Variants in CNTNAP2 observed in about 807,000 individuals in gnomAD.
CNTNAP2 encodes the protein contactin-associated protein-like 2.
Under a neutral mutation model 155.2 loss-of-function variants are expected in CNTNAP2, and 98 were observed. That is an observed-to-expected ratio of 0.63 (90% CI 0.54 to 0.75). CNTNAP2 has a LOEUF of 0.75. Among genes scored for constraint, CNTNAP2 ranks in the 30% least tolerant of loss-of-function variants. The pLI, the probability that CNTNAP2 is intolerant of heterozygous loss-of-function variation, is 0.00. For missense variants in CNTNAP2, 1,727 were observed against 1,688.1 expected, an observed-to-expected ratio of 1.02 and a Z score of -0.40; for synonymous variants, 651 against 631.2, an observed-to-expected ratio of 1.03 and a Z score of -0.47.
In CNTNAP2 at chr7:147,128,716, C is replaced by T; in HGVS notation, c.963C>T (p.Phe321=). ...AGATAACCTTTGGAGGCATCCCTTT[C>T]TCTGGCAAGCCCAGCTCCAGCAGTA... ...DYEITFGGIP[F]SGKPSSSSRK... The change falls in exon 7 of 24, where the codon TTC becomes TTT. Residue 321 remains phenylalanine, a synonymous_variant. Coordinates refer to ENST00000361727, the MANE Select transcript of CNTNAP2 (RefSeq NM_014141.6). 1 of 1,613,950 alleles carries T rather than the reference C, an allele frequency of 6.2e-7. No individual in the cohort carries two copies. Among genetic ancestry groups the T allele is most frequent in the Non-Finnish European group, 8.5e-7 (1 of 1,179,912 alleles).
At chr7:146,468,697 G>A (rs914361903) in intron 1 of CNTNAP2, among the ~76,000 whole-genome samples, 1 of 151,996 alleles carries the variant, frequency 6.6e-6, no homozygotes. Flanking sequence ...TTGGAAGGTC[G>A]GTAAAAGTCT....
At chr7:148,099,930 T>A (rs1804061970) in intron 15 of CNTNAP2, among the ~76,000 whole-genome samples, 1 of 140,234 alleles carries the variant, frequency 7.1e-6, no homozygotes, top group Non-Finnish European at 1.5e-5. Flanking sequence ...TTGAGTGCAA[T>A]GTCACAGTCT....
chr7:146,586,538 T>TAC (rs1304251391), intron 1 of CNTNAP2, among the ~76,000 whole-genome samples: 1 of 151,288 alleles, frequency 6.6e-6, no homozygotes, highest in Non-Finnish European at 1.5e-5. Context: ...TACACACACA[T>TAC]ACACACACAC....
intron 18 of CNTNAP2, among the ~76,000 whole-genome samples, chr7:148,215,791 G>A (rs1327215761): frequency 6.6e-6 from 1 of 152,112 alleles, no homozygotes; most frequent in Non-Finnish European, 1.5e-5. Context: ...ATTGACCCAA[G>A]TTAACACGGC....
At chr7:147,823,424 T>A (rs1461114029) in intron 13 of CNTNAP2, among the ~76,000 whole-genome samples, 1 of 152,048 alleles carries the variant, frequency 6.6e-6, no homozygotes, top group East Asian at 1.9e-4. Flanking sequence ...GCATAAGGAG[T>A]ATTAACCACT....
At chr7:147,824,408 G>C (rs1798413212) in intron 13 of CNTNAP2, among the ~76,000 whole-genome samples, 1 of 152,118 alleles carries the variant, frequency 6.6e-6, no homozygotes, top group South Asian at 2.1e-4. Flanking sequence ...GTCCACGGTA[G>C]AGTTGTGTAT....
intron 13 of CNTNAP2, among the ~76,000 whole-genome samples, chr7:147,810,476 G>C (rs1341570728): frequency 6.6e-6 from 1 of 152,044 alleles, no homozygotes; most frequent in East Asian, 1.9e-4. Context: ...ATATGTCAAA[G>C]AGCTTGCCAT....
chr7:147,885,127 G>T (rs1306388373), intron 13 of CNTNAP2, among the ~76,000 whole-genome samples: 1 of 152,174 alleles, frequency 6.6e-6, no homozygotes, highest in Non-Finnish European at 1.5e-5. Flanking sequence ...AGTTACTTTT[G>T]CACTGACCTA....
chr7:147,166,895 T>G (rs955015053), intron 8 of CNTNAP2, among the ~76,000 whole-genome samples: 2 of 152,162 alleles, frequency 1.3e-5, no homozygotes, highest in Admixed American at 1.3e-4. Flanking sequence ...ATGGCTTAGC[T>G]TGGGCTCAGA....
chr7:146,959,051 G>T (rs1357403793), intron 3 of CNTNAP2, among the ~76,000 whole-genome samples: 1 of 150,970 alleles, frequency 6.6e-6, no homozygotes, highest in Non-Finnish European at 1.5e-5. Context: ...ATGTAGTCTT[G>T]CTCTGTCGCC....
chr7:147,613,604 G>C (rs746303121), intron 12 of CNTNAP2, among the ~76,000 whole-genome samples: 2 of 152,072 alleles, frequency 1.3e-5, no homozygotes, highest in African/African-American at 4.8e-5. Context: ...TTGGGAGGCC[G>C]AGGTGGGCAC....
rs181562325 is a variant in CNTNAP2, at chr7:146,362,954, A to G, written c.97+245981A>G. 1.5e-3 allele frequency among the ~76,000 whole-genome samples: 228 copies of G among 151,974 alleles called. 2 individuals are homozygous for G. Among genetic ancestry groups the G allele is most frequent in the African/African-American group, 5.3e-3 (218 of 41,482 alleles). ...CCCAGCTAATTTTTGTATTTTTAGT[A>G]GAGATGGGGTTTCACCATGTTGGCC... is the stretch of plus-strand genomic sequence containing the variant. On this transcript the variant is annotated intron_variant, in intron 1 of 23. Coordinates refer to ENST00000361727, the MANE Select transcript of CNTNAP2 (RefSeq NM_014141.6).
intron 18 of CNTNAP2, among the ~76,000 whole-genome samples, chr7:148,211,895 A>C (rs1266004556): frequency 6.6e-6 from 1 of 152,216 alleles, no homozygotes; most frequent in African/African-American, 2.4e-5. Context: ...GTCTAAAATA[A>C]ATTTTTGGAA....
chr7:146,259,980 A>C (rs1470512677), intron 1 of CNTNAP2, among the ~76,000 whole-genome samples: 2 of 152,174 alleles, frequency 1.3e-5, no homozygotes, highest in African/African-American at 2.4e-5. Flanking sequence ...TTCCTGGGCC[A>C]AGCCCAGGGC....
intron 15 of CNTNAP2, among the ~76,000 whole-genome samples, chr7:148,037,963 T>C (rs958724108): frequency 6.6e-6 from 1 of 152,336 alleles, no homozygotes; most frequent in South Asian, 2.1e-4. Flanking sequence ...GTACTACCTG[T>C]GGTTTCAGGC....
At chr7:146,741,080 C>A (rs913346713) in intron 1 of CNTNAP2, among the ~76,000 whole-genome samples, 5 of 152,204 alleles carry the variant, frequency 3.3e-5, no homozygotes, top group Middle Eastern at 3.4e-3. Flanking sequence ...ACATCCCTTT[C>A]ATTCTATCTA....
At chr7:146,787,866 T>C (rs970556106) in intron 2 of CNTNAP2, among the ~76,000 whole-genome samples, 1 of 152,200 alleles carries the variant, frequency 6.6e-6, no homozygotes, top group Non-Finnish European at 1.5e-5. Flanking sequence ...AGAGCACTGA[T>C]TGGTGCATTT....
chr7:146,891,480 A>T (rs1219823446), intron 3 of CNTNAP2, among the ~76,000 whole-genome samples: 1 of 152,208 alleles, frequency 6.6e-6, no homozygotes, highest in Admixed American at 6.5e-5. Flanking sequence ...AAAATATGTA[A>T]TGTTTTAGGT....
At chr7:148,182,441 A>T (rs1012670087) in intron 18 of CNTNAP2, among the ~76,000 whole-genome samples, 2 of 149,352 alleles carry the variant, frequency 1.3e-5, no homozygotes, top group Non-Finnish European at 1.5e-5. Flanking sequence ...TGCCTCTGAC[A>T]TGCAATTTCT....
Sources: allele counts gnomAD v4.1 joint callset (sites outside exome capture counted in the v4.1 genomes callset), GRCh38; gene constraint gnomAD v4.1.1; transcripts MANE v1.5; gene names NCBI Gene and HGNC (gene_info 2026-07-23, HGNC 2026-07-21).